Variants in CELF2 observed in about 807,000 individuals in gnomAD.
CELF2 encodes the protein CUGBP Elav-like family member 2.
A neutral mutation model predicts 62.6 loss-of-function variants in CELF2; 8 were observed. The ratio of observed to expected loss-of-function variants is 0.13; its 90% CI spans 0.07 to 0.23. The LOEUF is 0.23. CELF2 is among the 10% of genes least tolerant of loss of function. The pLI is 1.00. For synonymous variants in CELF2, 258 were observed against 250.0 expected (o/e 1.03, Z -0.30); for missense variants, 333 against 671.0 (o/e 0.50, Z 5.56).
At chr10:10,512,401 C>CTTTTTTTT in the CELF2 span, among the ~76,000 whole-genome samples, 2 of 109,148 alleles carry the variant, frequency 1.8e-5, no homozygotes, top group South Asian at 3.1e-4. Context: ...TTTTGGAACG[C>CTTTTTTTT]TTTTTTTTTT....
intron 1 of CELF2, among the ~76,000 whole-genome samples, chr10:11,076,009 TAAG>T (rs1388263766): frequency 3.3e-5 from 5 of 152,150 alleles, no homozygotes; most frequent in East Asian, 3.9e-4. Context: ...AAATACCAAT[TAAG>T]AACATTAGTT....
At chr10:11,212,425 C>A (rs191661784) in intron 2 of CELF2, among the ~76,000 whole-genome samples, 3 of 152,322 alleles carry the variant, frequency 2.0e-5, no homozygotes, top group Admixed American at 6.5e-5. Context: ...TTCCTAAGGG[C>A]CCTGCTAGAT....
rs1466266365 is a variant in CELF2 at position 11,319,939 on chromosome 10, G to A, written c.1097-1250G>A. On this transcript the variant is annotated intron_variant, in intron 10 of 12. Transcript: ENST00000633077. This position sits in a 1 kb window ranked among gnomAD's most constrained non-coding sequence, Gnocchi z 4.4. The stretch of plus-strand genomic sequence containing the variant: ...GCTGCCGGATTCTCTGGTGTTTCCA[G>A]GCAGCCTTACCTTAGCTGTCCTCCA... 1 of 465,860 alleles carries A rather than the reference G, an allele frequency of 2.1e-6. No homozygotes were observed. Among genetic ancestry groups the A allele is most frequent in the Non-Finnish European group, 4.4e-6 (1 of 225,386 alleles). The allele number at this position is 465,860 out of a possible 1,614,324, so 28.9% of individuals were successfully genotyped here. A position where few individuals can be genotyped will look rare whatever the true frequency, so the allele number is the denominator to read the frequency against.
chr10:10,840,728 G>T (rs961978733), intron 1 of CELF2, among the ~76,000 whole-genome samples: 3 of 151,998 alleles, frequency 2.0e-5, no homozygotes, highest in Non-Finnish European at 4.4e-5. Context: ...GAACATGCAG[G>T]TTTGTTACAT....
chr10:11,086,861 C>T (rs996160944), intron 1 of CELF2, among the ~76,000 whole-genome samples: 4 of 152,092 alleles, frequency 2.6e-5, no homozygotes, highest in African/African-American at 9.7e-5. Flanking sequence ...AAGGTGTTTT[C>T]TTGCTTTCTT....
chr10:10,788,193 T>C, the CELF2 span, among the ~76,000 whole-genome samples: 2 of 152,108 alleles, frequency 1.3e-5, no homozygotes, highest in African/African-American at 2.4e-5. Flanking sequence ...CAACAGTCTA[T>C]AAGAATGTAG....
chr10:11,137,848 T>C (rs1414555643), intron 1 of CELF2, among the ~76,000 whole-genome samples: 1 of 152,226 alleles, frequency 6.6e-6, no homozygotes. Context: ...TTGAAAATTA[T>C]AGAATTTGGA....
chr10:11,019,146 C>T (rs1055370213), intron 1 of CELF2, among the ~76,000 whole-genome samples: 4 of 151,958 alleles, frequency 2.6e-5, no homozygotes, highest in Non-Finnish European at 5.9e-5. Context: ...TTTATTAGCT[C>T]GGAGGGGTCA....
intron 1 of CELF2, among the ~76,000 whole-genome samples, chr10:10,880,577 A>G (rs1250807283): frequency 1.3e-5 from 2 of 152,148 alleles, no homozygotes; most frequent in Non-Finnish European, 2.9e-5. Context: ...TTCAGCCTCT[A>G]TGACTAAAAT....
intron 1 of CELF2, among the ~76,000 whole-genome samples, chr10:10,834,195 G>A (rs867984969): frequency 3.9e-5 from 6 of 152,160 alleles, no homozygotes; most frequent in Non-Finnish European, 5.9e-5. Flanking sequence ...CATCCTTAGC[G>A]AAGTAACTCA....
chr10:10,647,747 C>T, the CELF2 span, among the ~76,000 whole-genome samples: 12 of 152,326 alleles, frequency 7.9e-5, no homozygotes, highest in Admixed American at 5.9e-4. Context: ...TTTTTATCTT[C>T]CATGATAAAC....
At chr10:10,840,817 T>G (rs1195279411) in intron 1 of CELF2, among the ~76,000 whole-genome samples, 6 of 152,114 alleles carry the variant, frequency 3.9e-5, no homozygotes, top group Admixed American at 2.6e-4. Context: ...CATTTGGTAT[T>G]TGTCCTAATT....
chr10:11,132,932 G>C (rs2059832628), intron 1 of CELF2, among the ~76,000 whole-genome samples: 1 of 152,202 alleles, frequency 6.6e-6, no homozygotes, highest in Non-Finnish European at 1.5e-5. Context: ...TCTAAGAGGT[G>C]ATGGTGGTGG....
At chr10:10,489,740 T>C in the CELF2 span, among the ~76,000 whole-genome samples, 3 of 152,018 alleles carry the variant, frequency 2.0e-5, no homozygotes, top group Non-Finnish European at 4.4e-5. Context: ...ATATATCCTG[T>C]GTGGCCTATC....
At chr10:10,930,903 G>T (rs777684532) in intron 2 of CELF2, among the ~76,000 whole-genome samples, 12 of 152,052 alleles carry the variant, frequency 7.9e-5, no homozygotes, top group African/African-American at 1.7e-4. Flanking sequence ...CCTCTAAAGG[G>T]TTTCAGATTT....
At position 11,066,073 on chromosome 10, in the gene CELF2, GA is replaced by G. The variant is rs1245323639; in HGVS notation, c.74+47916del. Among the ~76,000 whole-genome samples, 247 of 152,136 alleles carry G rather than the reference GA, an allele frequency of 1.6e-3. 5 individuals are homozygous for G. The highest frequency in any genetic ancestry group is 5.3e-4 in the Non-Finnish European group (36 of 67,988). ...GCTGCTGAGAGGGCGTAGGGAGGAGGAAAAAAGGAGATCAGGCCACCGGAAG... is the reference window on the plus strand; with the variant it reads ...GCTGCTGAGAGGGCGTAGGGAGGAGGAAAAAGGAGATCAGGCCACCGGAAG... On this transcript the variant is annotated intron_variant, in intron 1 of 12. Transcript: ENST00000633077.
rs559430768 is a variant in CELF2 at position 10,993,547 on chromosome 10, T to C, written c.89+73548T>C. ...GCCTAAGCCACTGGGAACACACTTG[T>C]AGTCAAAGCTATATTTACATAATTG... On this transcript the variant is annotated intron_variant, in intron 2 of 13. Transcript: ENST00000636488. The surrounding 1 kb of genome is among the most constrained non-coding windows in gnomAD (Gnocchi z 5.3). Among the ~76,000 whole-genome samples, 6 of 152,274 alleles carry C rather than the reference T, an allele frequency of 3.9e-5. No homozygotes were observed. Among genetic ancestry groups the C allele is most frequent in the Admixed American group, 3.3e-4 (5 of 15,288 alleles).
chr10:10,631,478 C>T, the CELF2 span, among the ~76,000 whole-genome samples: 2 of 152,146 alleles, frequency 1.3e-5, no homozygotes, highest in African/African-American at 2.4e-5. Context: ...TCTCAAGGAG[C>T]AGGGATAAAG....
intron 1 of CELF2, among the ~76,000 whole-genome samples, chr10:11,018,367 G>C (rs1189653363): frequency 1.3e-5 from 2 of 151,690 alleles, no homozygotes; most frequent in Non-Finnish European, 1.5e-5. Flanking sequence ...TGCAGGGCGC[G>C]GGGCTTCCCG....
Sources: allele counts gnomAD v4.1 joint callset (sites outside exome capture counted in the v4.1 genomes callset), GRCh38; gene constraint gnomAD v4.1.1; non-coding constraint Gnocchi (gnomAD v3.1); transcripts MANE v1.5; gene names NCBI Gene and HGNC (gene_info 2026-07-23, HGNC 2026-07-21).